The following AGBL3 variants were observed in gnomAD, a reference collection of about 807,000 sequenced individuals.
AGBL3 encodes the protein AGBL carboxypeptidase 3, also known as cytosolic carboxypeptidase 3.
Under a neutral mutation model 94.5 loss-of-function variants are expected in AGBL3, and 68 were observed. That is an observed-to-expected ratio of 0.72 (90% CI 0.59 to 0.88). The LOEUF (loss-of-function observed/expected upper bound fraction) is 0.88. Among genes scored for constraint, AGBL3 ranks in the 40% least tolerant of loss-of-function variants. The pLI is 0.00. For synonymous variants in AGBL3, 354 were observed against 370.7 expected (o/e 0.95, Z 0.52); for missense variants, 934 against 1,103.8 (o/e 0.85, Z 2.18).
chr7:135,125,777 G>A lies in AGBL3; in HGVS notation c.2343-9064G>A, dbSNP rs190044345. On this transcript the variant is annotated intron_variant, in intron 16 of 16. Transcript: ENST00000436302. ...ATAAACATAATCCATCACATAAACA[G>A]AACCAAAGACAAAAACCACATAATT... 2.3e-3 allele frequency among the ~76,000 whole-genome samples: 347 copies of A among 152,150 alleles called. 1 individual carries two copies. The highest frequency in any genetic ancestry group is 7.7e-3 in the African/African-American group (318 of 41,522).
At chr7:135,002,120 T>C (rs1357882010) in intron 4 of AGBL3, among the ~76,000 whole-genome samples, 1 of 152,228 alleles carries the variant, frequency 6.6e-6, no homozygotes, top group South Asian at 2.1e-4. Flanking sequence ...ATCCCACTTC[T>C]GATGTCACCT....
At chr7:135,018,698 G>C (rs1814088049) in intron 5 of AGBL3, among the ~76,000 whole-genome samples, 1 of 152,172 alleles carries the variant, frequency 6.6e-6, no homozygotes, top group Admixed American at 6.5e-5. Context: ...CAAAAAAGAA[G>C]AGTAGAAAAG....
At chr7:135,041,321 T>TA (rs1816837021) in intron 8 of AGBL3, among the ~76,000 whole-genome samples, 1 of 152,084 alleles carries the variant, frequency 6.6e-6, no homozygotes, top group Non-Finnish European at 1.5e-5. Context: ...AAAACAATTT[T>TA]AAAAAATAAA....
At chr7:135,123,988 G>C (rs1375963699) in intron 16 of AGBL3, among the ~76,000 whole-genome samples, 1 of 152,080 alleles carries the variant, frequency 6.6e-6, no homozygotes, top group African/African-American at 2.4e-5. Context: ...GCATCAATTA[G>C]TGCACAAAAT....
intron 15 of AGBL3, among the ~76,000 whole-genome samples, chr7:135,088,090 G>C (rs1821473882): frequency 6.6e-6 from 1 of 151,960 alleles, no homozygotes; most frequent in Non-Finnish European, 1.5e-5. Flanking sequence ...CTTGTTTACA[G>C]TTTTTGACTT....
chr7:135,006,290 A>G (rs555118492), intron 4 of AGBL3, among the ~76,000 whole-genome samples: 22 of 152,040 alleles, frequency 1.4e-4, no homozygotes, highest in African/African-American at 5.3e-4. Flanking sequence ...GACTAGAATT[A>G]TATTGCATGG....
At chr7:135,027,355 T>G (rs185011758) in intron 5 of AGBL3, among the ~76,000 whole-genome samples, 18 of 151,844 alleles carry the variant, frequency 1.2e-4, no homozygotes, top group Admixed American at 8.5e-4. Flanking sequence ...TATGGTCTAT[T>G]TGAAATTAAT....
chr7:135,036,246 T>C (rs4348415), intron 7 of AGBL3, among the ~76,000 whole-genome samples: 141,569 of 152,116 alleles, frequency 0.93, 66,659 homozygotes, highest in Non-Finnish European at 1. Context: ...TTTAAAGCCT[T>C]TTCTATTAAT....
chr7:135,050,658 A>T (rs1223795271), intron 11 of AGBL3, among the ~76,000 whole-genome samples: 1 of 151,984 alleles, frequency 6.6e-6, no homozygotes, highest in Non-Finnish European at 1.5e-5. Flanking sequence ...TTATCATTAC[A>T]TAATATCTTT....
chr7:134,998,510 C>T (rs1052899023), intron 4 of AGBL3, among the ~76,000 whole-genome samples: 2 of 152,172 alleles, frequency 1.3e-5, no homozygotes, highest in Non-Finnish European at 2.9e-5. Context: ...CAAACGTTTT[C>T]ACCTTTGGAA....
chr7:135,009,598 G>A (rs1424353935), intron 4 of AGBL3, among the ~76,000 whole-genome samples: 1 of 152,114 alleles, frequency 6.6e-6, no homozygotes, highest in East Asian at 1.9e-4. Flanking sequence ...ATGCATAGAT[G>A]GGTCTGGGTG....
At chr7:134,994,603 TA>T (rs1310748073) in intron 4 of AGBL3, among the ~76,000 whole-genome samples, 9 of 151,534 alleles carry the variant, frequency 5.9e-5, no homozygotes, top group South Asian at 2.1e-4. Flanking sequence ...CATTGGTGAA[TA>T]AAAAAAAATT....
At chr7:135,012,726 C>G (rs1245493741) in intron 4 of AGBL3, among the ~76,000 whole-genome samples, 1 of 151,970 alleles carries the variant, frequency 6.6e-6, no homozygotes, top group Non-Finnish European at 1.5e-5. Context: ...GTTGTAACAA[C>G]TTAGCATACA....
intron 12 of AGBL3, among the ~76,000 whole-genome samples, chr7:135,064,695 ATCTGGAGAT>A (rs368799769): frequency 2.6e-4 from 40 of 152,352 alleles, no homozygotes; most frequent in African/African-American, 9.4e-4. Flanking sequence ...GGACCTGAGC[ATCTGGAGAT>A]TAGAGTTTCC....
chr7:135,109,906 G>A (rs114462109), intron 15 of AGBL3, among the ~76,000 whole-genome samples: 1,935 of 152,326 alleles, frequency 0.013, 35 homozygotes, highest in African/African-American at 0.044. Context: ...TACCAGGGAG[G>A]CTCTGAACCA....
intron 12 of AGBL3, among the ~76,000 whole-genome samples, chr7:135,064,133 G>A (rs1246656981): frequency 6.6e-6 from 1 of 152,160 alleles, no homozygotes; most frequent in Non-Finnish European, 1.5e-5. Flanking sequence ...TCAATGGGGT[G>A]GGGAAGGATA....
At chr7:135,059,014 C>T (rs993981731) in intron 11 of AGBL3, among the ~76,000 whole-genome samples, 155 bp from the exon 12 acceptor site, 3 of 152,194 alleles carry the variant, frequency 2.0e-5, no homozygotes, top group African/African-American at 7.2e-5. Context: ...GCCCTGGCCT[C>T]CCAAAGTACT....
chr7:135,038,923 C>T (rs1007407282), intron 8 of AGBL3, among the ~76,000 whole-genome samples: 2 of 151,168 alleles, frequency 1.3e-5, no homozygotes, highest in African/African-American at 4.9e-5. Context: ...GGCGCCACTG[C>T]ACTCCAGCCT....
intron 15 of AGBL3, among the ~76,000 whole-genome samples, chr7:135,087,866 T>A (rs1021756812): frequency 2.0e-5 from 3 of 152,084 alleles, no homozygotes; most frequent in African/African-American, 7.2e-5. Context: ...GTTCAATGTT[T>A]CTTTTTTATT....
Sources: gnomAD v4.1 joint callset for allele counts (sites outside exome capture counted in the v4.1 genomes callset) on GRCh38, gnomAD v4.1.1 for gene constraint, MANE v1.5 for transcripts, NCBI Gene and HGNC (gene_info 2026-07-23, HGNC 2026-07-21) for gene names.